LRRC37A2: variants seen among roughly 807,000 people sequenced by gnomAD.
The protein encoded by LRRC37A2 is leucine rich repeat containing 37 member A2.
LRRC37A2 carries 9 observed loss-of-function variants against 68.8 expected under a neutral mutation model. The observed-to-expected ratio is 0.13, with a 90% CI of 0.08 to 0.23. The LOEUF is 0.23. LRRC37A2 is among the 10% of genes least tolerant of loss of function. LRRC37A2 has a pLI of 1.00. For missense variants in LRRC37A2, 168 were observed against 950.4 expected (o/e 0.18, Z 10.82); for synonymous variants, 63 against 367.6 (o/e 0.17, Z 9.48).
chr17:46,718,449 C>A, the LRRC37A2 span, among the ~76,000 whole-genome samples: 1 of 152,114 alleles, frequency 6.6e-6, no homozygotes, highest in South Asian at 2.1e-4. Flanking sequence ...CTTATTTGAT[C>A]GTTACATGTT....
the LRRC37A2 span, among the ~76,000 whole-genome samples, chr17:46,850,031 G>A: frequency 6.6e-6 from 1 of 152,100 alleles, no homozygotes; most frequent in Non-Finnish European, 1.5e-5. Context: ...TGTATTTTTA[G>A]GAGAGACAGG....
chr17:46,746,444 A>T, the LRRC37A2 span, among the ~76,000 whole-genome samples: 1 of 152,218 alleles, frequency 6.6e-6, no homozygotes, highest in Admixed American at 6.5e-5. Context: ...GTAGTGGTAT[A>T]ATGTTTACCA....
the LRRC37A2 span, among the ~76,000 whole-genome samples, chr17:46,922,213 C>T: frequency 6.6e-6 from 1 of 152,264 alleles, no homozygotes; most frequent in Admixed American, 6.5e-5. Context: ...AACCAACATT[C>T]TCAGCAAACT....
At chr17:46,900,196 T>C in the LRRC37A2 span, among the ~76,000 whole-genome samples, 238 of 105,558 alleles carry the variant, frequency 2.3e-3, 6 homozygotes, top group African/African-American at 6.8e-3. Context: ...TATATATATA[T>C]ATATATACAC....
the LRRC37A2 span, among the ~76,000 whole-genome samples, chr17:46,948,138 A>G: frequency 5.3e-5 from 8 of 152,214 alleles, no homozygotes; most frequent in Non-Finnish European, 1.2e-4. Flanking sequence ...GAGTGTGAAG[A>G]TCAGCTCTGC....
the LRRC37A2 span, among the ~76,000 whole-genome samples, chr17:46,710,611 C>T: frequency 4.6e-5 from 7 of 152,204 alleles, no homozygotes; most frequent in African/African-American, 7.2e-5. Context: ...AGTCCATAAT[C>T]TCTTTTTTCC....
chr17:46,541,505 G>T (rs1598452102), intron 8 of LRRC37A2, among the ~76,000 whole-genome samples: 1 of 150,234 alleles, frequency 6.7e-6, no homozygotes, highest in East Asian at 2.0e-4. Flanking sequence ...GCCTGCCTCA[G>T]CCTCCCAAAG....
At chr17:46,878,570 G>T in the LRRC37A2 span, among the ~76,000 whole-genome samples, 8 of 152,184 alleles carry the variant, frequency 5.3e-5, no homozygotes, top group Non-Finnish European at 2.9e-5. Flanking sequence ...GAGAGGGCTG[G>T]TTTTCTCCTT....
chr17:46,936,298 A>C, the LRRC37A2 span: 1 of 985,114 alleles, frequency 1.0e-6, no homozygotes, highest in Non-Finnish European at 1.2e-6. Flanking sequence ...ACTCCATGTC[A>C]CACTGATGAA....
chr17:46,857,323 G>A, the LRRC37A2 span, among the ~76,000 whole-genome samples: 1 of 151,902 alleles, frequency 6.6e-6, no homozygotes, highest in East Asian at 1.9e-4. Flanking sequence ...ACAAGAATCA[G>A]CTGGGTGTGA....
the LRRC37A2 span, chr17:46,833,221 G>A: frequency 9.8e-6 from 4 of 408,526 alleles, no homozygotes; most frequent in African/African-American, 6.1e-5. Flanking sequence ...GAAGCAGCAT[G>A]TGCGTGGAAG....
chr17:46,685,754 TTAAG>T, the LRRC37A2 span, among the ~76,000 whole-genome samples: 1 of 147,040 alleles, frequency 6.8e-6, no homozygotes, highest in Non-Finnish European at 1.5e-5. Context: ...TTGCTTTTAT[TTAAG>T]TAACACACAA....
the LRRC37A2 span, chr17:46,872,564 C>T: frequency 2.0e-5 from 31 of 1,589,304 alleles, no homozygotes; most frequent in East Asian, 4.5e-4. Context: ...TTGGGCACTG[C>T]GGCAGCCCCG....
the LRRC37A2 span, chr17:46,713,908 C>CT: frequency 1.2e-6 from 2 of 1,613,020 alleles, no homozygotes; most frequent in Non-Finnish European, 1.7e-6. Context: ...AGGAATCCAA[C>CT]TTCCCGTTCA....
the LRRC37A2 span, among the ~76,000 whole-genome samples, chr17:46,809,808 C>T: frequency 9.2e-5 from 14 of 151,972 alleles, no homozygotes; most frequent in African/African-American, 3.1e-4. Context: ...GGCCTCTGTG[C>T]CCTCTCCCAG....
chr17:46,548,945 G>C (rs755099541), exon 10 of LRRC37A2: 5 of 1,612,462 alleles, frequency 3.1e-6, no homozygotes, highest in African/African-American at 1.4e-5. Flanking sequence ...CCACAGGTGA[G>C]AGACAGATGG....
chr17:46,951,848 G>GA, the LRRC37A2 span, among the ~76,000 whole-genome samples: 1 of 152,278 alleles, frequency 6.6e-6, no homozygotes, highest in East Asian at 1.9e-4. Flanking sequence ...AGCCTTGCAA[G>GA]AAAATCTGGC....
chr17:46,728,876 G>A, the LRRC37A2 span: 2 of 1,607,918 alleles, frequency 1.2e-6, no homozygotes, highest in Non-Finnish European at 1.7e-6. Flanking sequence ...ATTGGCCCTC[G>A]ATTTTCAAAT....
At chr17:46,863,995 GGGACA>G in the LRRC37A2 span, among the ~76,000 whole-genome samples, 38 of 152,198 alleles carry the variant, frequency 2.5e-4, no homozygotes, top group African/African-American at 8.9e-4. Context: ...TCTGCAGCAT[GGGACA>G]TCTCTGCCTA....
Sources: allele counts gnomAD v4.1 joint callset (sites outside exome capture counted in the v4.1 genomes callset), GRCh38; gene constraint gnomAD v4.1.1; transcripts MANE v1.5; gene names NCBI Gene and HGNC (gene_info 2026-07-23, HGNC 2026-07-21).